TYW1: variants seen among roughly 807,000 people sequenced by gnomAD.
The protein encoded by TYW1 is S-adenosyl-L-methionine-dependent tRNA 4-demethylwyosine synthase TYW1.
A neutral mutation model predicts 96.2 loss-of-function variants in TYW1; 46 were observed. The ratio of observed to expected loss-of-function variants is 0.48; its 90% CI spans 0.38 to 0.61. The LOEUF (loss-of-function observed/expected upper bound fraction) is 0.61, where lower values mean the gene tolerates loss of function less well. Ranked by LOEUF, TYW1 falls within the 20% of genes least tolerant of loss-of-function variation. TYW1 has a pLI of 0.00. For missense variants in TYW1, 684 were observed against 909.6 expected, an observed-to-expected ratio of 0.75 and a Z score of 3.19; for synonymous variants, 274 against 323.0, an observed-to-expected ratio of 0.85 and a Z score of 1.63.
rs371690166 is a variant in TYW1 at position 67,090,779 on chromosome 7, G to A, written c.1384+7240G>A. On this transcript the variant is annotated intron_variant, in intron 11 of 15. Coordinates refer to ENST00000359626, the MANE Select transcript of TYW1 (RefSeq NM_018264.4). ...GTTGAAATGTCCTGTGTCTCATGTGGACTCTTTCTTTCTTCTCCAGGAATC... is the reference window on the plus strand; with the variant it reads ...GTTGAAATGTCCTGTGTCTCATGTGAACTCTTTCTTTCTTCTCCAGGAATC... Among the ~76,000 whole-genome samples the A allele has an allele frequency of 6.6e-5, 10 of 152,092 alleles. No individual in the cohort carries two copies. The South Asian group carries it at 1.2e-3, about 19-fold the overall frequency.
At chr7:67,056,244 G>A (rs1471627968) in intron 9 of TYW1, among the ~76,000 whole-genome samples, 1 of 152,152 alleles carries the variant, frequency 6.6e-6, no homozygotes, top group Non-Finnish European at 1.5e-5. Flanking sequence ...TGTAATCCTA[G>A]CACTTTCGGA....
chr7:67,095,731 C>T (rs1440454516), intron 11 of TYW1, among the ~76,000 whole-genome samples: 1 of 151,794 alleles, frequency 6.6e-6, no homozygotes. Flanking sequence ...CCCTATGTCT[C>T]GTTCACTGGC....
At chr7:67,019,831 G>A (rs1227999020) in intron 6 of TYW1, among the ~76,000 whole-genome samples, 1 of 152,292 alleles carries the variant, frequency 6.6e-6, no homozygotes, top group South Asian at 2.1e-4. Context: ...ATATTGATTA[G>A]TGATTAGCTA....
At position 67,049,940 on chromosome 7, in the gene TYW1, T is replaced by C; in HGVS notation, c.985-9T>C. ...ATTCTGGATTTCATTCTTTTTTATT[T>C]TAATGCAGAGAGAAAAGGAACAGCA... On this transcript the variant is annotated splice_polypyrimidine_tract_variant and intron_variant, in intron 7 of 15. Coordinates refer to ENST00000359626, the MANE Select transcript of TYW1 (RefSeq NM_018264.4). 6.2e-7 allele frequency: 1 copy of C among 1,613,638 alleles called. No homozygotes were observed. Among genetic ancestry groups the C allele is most frequent in the South Asian group, 1.1e-5 (1 of 91,072 alleles).
chr7:67,129,180 A>G (rs1797991986), intron 13 of TYW1, among the ~76,000 whole-genome samples: 1 of 152,212 alleles, frequency 6.6e-6, no homozygotes, highest in African/African-American at 2.4e-5. Context: ...AGGCTCTGAT[A>G]AAACCAAGCA....
rs1432143479 is a variant in TYW1, at chr7:67,159,731, ATAGT to A, written c.1699-23392_1699-23389del. Among the ~76,000 whole-genome samples the A allele has an allele frequency of 1.3e-4, 20 of 152,244 alleles. No individual in the cohort carries two copies. The East Asian group carries it at 3.7e-3, about 28-fold the overall frequency. ...TCATTTAGCCATGCTGTATGTAGTA[ATAGT>A]TAATTTTTTTCATTCCTTTGAAGAA... On this transcript the variant is annotated intron_variant, in intron 13 of 15. Coordinates refer to ENST00000359626, the MANE Select transcript of TYW1 (RefSeq NM_018264.4).
chr7:67,062,840 A>G (rs62466637), intron 9 of TYW1, among the ~76,000 whole-genome samples: 6,171 of 152,316 alleles, frequency 0.041, 186 homozygotes, highest in Middle Eastern at 0.1. Flanking sequence ...CTAGTTTTCA[A>G]TGGTTTTCCT....
intron 3 of TYW1, among the ~76,000 whole-genome samples, chr7:67,008,788 G>A (rs1212696650): frequency 1.3e-5 from 2 of 151,960 alleles, no homozygotes; most frequent in African/African-American, 4.8e-5. Context: ...TCAGCCTCCC[G>A]GGTAGCTGGG....
At chr7:67,009,756 ATTAG>A (rs1035597988) in intron 4 of TYW1, 72 bp downstream of exon 4, 2 of 1,268,858 alleles carry the variant, frequency 1.6e-6, no homozygotes, top group African/African-American at 3.0e-5. Flanking sequence ...AGTAAATTTA[ATTAG>A]ATAACTAGAA....
intron 7 of TYW1, among the ~76,000 whole-genome samples, chr7:67,029,851 C>T (rs1160906496): frequency 1.3e-5 from 2 of 152,114 alleles, no homozygotes; most frequent in Non-Finnish European, 2.9e-5. Context: ...CAGACACGCA[C>T]CACCACGCCA....
intron 10 of TYW1, among the ~76,000 whole-genome samples, chr7:67,080,956 T>G (rs1288013320): frequency 6.0e-4 from 87 of 145,386 alleles, no homozygotes; most frequent in African/African-American, 2.2e-3. Context: ...TTTTTTTTTT[T>G]TTTTTTTTTT....
intron 11 of TYW1, among the ~76,000 whole-genome samples, chr7:67,093,042 C>G (rs1227748567): frequency 6.6e-6 from 1 of 152,074 alleles, no homozygotes; most frequent in Non-Finnish European, 1.5e-5. Context: ...TGGCATATGC[C>G]TGTGGTCCTA....
intron 13 of TYW1, among the ~76,000 whole-genome samples, chr7:67,151,804 T>G (rs370367835): frequency 1.6e-4 from 25 of 151,716 alleles, no homozygotes; most frequent in East Asian, 1.4e-3. Flanking sequence ...TGCTGCTTTT[T>G]TTGTTGTTGT....
intron 15 of TYW1, among the ~76,000 whole-genome samples, chr7:67,205,361 C>T (rs1386548492): frequency 1.3e-5 from 2 of 151,800 alleles, no homozygotes; most frequent in African/African-American, 4.8e-5. Flanking sequence ...CCCCCTTAGA[C>T]TCCACTGACA....
chr7:67,001,395 TA>T (rs1327600465), intron 3 of TYW1, among the ~76,000 whole-genome samples: 2 of 151,300 alleles, frequency 1.3e-5, no homozygotes, highest in African/African-American at 4.8e-5. Flanking sequence ...AATTTATTTT[TA>T]TTTATTTTAT....
At chr7:67,129,647 G>A (rs561139273) in intron 13 of TYW1, among the ~76,000 whole-genome samples, 117 of 152,190 alleles carry the variant, frequency 7.7e-4, no homozygotes, top group Non-Finnish European at 1.4e-3. Context: ...AAGACACAGT[G>A]ATGACGTCCA....
chr7:67,041,852 T>G (rs1361753861), intron 7 of TYW1, among the ~76,000 whole-genome samples: 1 of 152,016 alleles, frequency 6.6e-6, no homozygotes, highest in African/African-American at 2.4e-5. Flanking sequence ...TGCTTCCGTT[T>G]TCTCATTTGT....
intron 15 of TYW1, among the ~76,000 whole-genome samples, chr7:67,225,002 C>G (rs1417159723): frequency 6.6e-6 from 1 of 151,928 alleles, no homozygotes; most frequent in Admixed American, 6.6e-5. Context: ...ACCAGTCTGG[C>G]CAACATGGCA....
In TYW1 at chr7:67,008,203, CA is replaced by C. The variant is rs1188289174; in HGVS notation, c.274-1379del. On this transcript the variant is annotated intron_variant, in intron 3 of 15. Coordinates refer to ENST00000359626, the MANE Select transcript of TYW1 (RefSeq NM_018264.4). ...CAGCTATGGAGGGGTGGGGGTTGAG[CA>C]GGGCTTCCAGGCCGTTTCTGGCCGT... Among the ~76,000 whole-genome samples, 5 of 152,302 alleles carry C rather than the reference CA, an allele frequency of 3.3e-5. No homozygotes were observed. In the East Asian group the frequency reaches 7.7e-4, roughly 24 times the overall value.
Sources: gnomAD v4.1 joint callset for allele counts (sites outside exome capture counted in the v4.1 genomes callset) on GRCh38, gnomAD v4.1.1 for gene constraint, MANE v1.5 for transcripts, NCBI Gene and HGNC (gene_info 2026-07-23, HGNC 2026-07-21) for gene names.